Variants in GRM5 observed in about 807,000 individuals in gnomAD.
The protein encoded by GRM5 is metabotropic glutamate receptor 5.
A neutral mutation model predicts 83.1 loss-of-function variants in GRM5; 19 were observed. The ratio of observed to expected loss-of-function variants is 0.23; its 90% CI spans 0.16 to 0.34. GRM5 has a LOEUF of 0.34. GRM5 is among the 10% of genes least tolerant of loss of function. GRM5 has a pLI of 1.00. For synonymous variants in GRM5, 675 were observed against 633.6 expected, an observed-to-expected ratio of 1.07 and a Z score of -0.98; for missense variants, 1,160 against 1,588.3, an observed-to-expected ratio of 0.73 and a Z score of 4.58.
At chr11:88,693,285 TAC>T (rs1445145464) in intron 3 of GRM5, among the ~76,000 whole-genome samples, 1 of 152,166 alleles carries the variant, frequency 6.6e-6, no homozygotes, top group African/African-American at 2.4e-5. Flanking sequence ...TACAGAGTTG[TAC>T]AATTTTCCAC....
intron 3 of GRM5, among the ~76,000 whole-genome samples, chr11:88,845,702 G>T (rs1192479988): frequency 1.3e-5 from 2 of 149,100 alleles, no homozygotes; most frequent in Non-Finnish European, 3.0e-5. Flanking sequence ...CAAAGTGCTG[G>T]GATTACAGGC....
chr11:88,640,580 A>G (rs892646310), intron 4 of GRM5, among the ~76,000 whole-genome samples: 6 of 151,958 alleles, frequency 3.9e-5, no homozygotes, highest in African/African-American at 7.2e-5. Context: ...TCACAAGACT[A>G]CCCTCCCTCT....
At chr11:88,753,450 C>A (rs1942327260) in intron 3 of GRM5, among the ~76,000 whole-genome samples, 1 of 151,880 alleles carries the variant, frequency 6.6e-6, no homozygotes, top group Admixed American at 6.6e-5. Context: ...CAAAAAATAA[C>A]AGATGATGGC....
intron 2 of GRM5, among the ~76,000 whole-genome samples, chr11:88,872,230 T>C (rs1944781349): frequency 6.6e-6 from 1 of 151,424 alleles, no homozygotes; most frequent in South Asian, 2.1e-4. Context: ...AATATAAAAT[T>C]AATCACCAAG....
At chr11:88,625,565 G>A (rs1024939639) in intron 4 of GRM5, among the ~76,000 whole-genome samples, 1 of 151,910 alleles carries the variant, frequency 6.6e-6, no homozygotes, top group African/African-American at 2.4e-5. Flanking sequence ...TAGAATTGTG[G>A]GCGTGAATAG....
At chr11:88,695,539 T>G (rs1021688060) in intron 3 of GRM5, among the ~76,000 whole-genome samples, 3 of 152,164 alleles carry the variant, frequency 2.0e-5, no homozygotes, top group African/African-American at 7.2e-5. Flanking sequence ...CCCAAGTAAT[T>G]TTTATCTTTC....
At chr11:88,723,352 T>C (rs965788217) in intron 3 of GRM5, among the ~76,000 whole-genome samples, 1 of 152,104 alleles carries the variant, frequency 6.6e-6, no homozygotes, top group African/African-American at 2.4e-5. Context: ...TATGTGTAGG[T>C]TTTTGTGTGG....
intron 4 of GRM5, among the ~76,000 whole-genome samples, chr11:88,651,379 A>G (rs1400814175): frequency 1.3e-5 from 2 of 152,026 alleles, no homozygotes; most frequent in Non-Finnish European, 2.9e-5. Flanking sequence ...TTCCTCATAA[A>G]GAGGAACTAA....
At position 88,550,167 on chromosome 11, in the gene GRM5, T is replaced by C. The variant is rs1942473809; in HGVS notation, c.2630+16886A>G. ...AAGGTCTGGAGAAGTGATGATAAAA[T>C]CATCACTTAATTTCTTGGTCAAAAT... On this transcript the variant is annotated intron_variant, in intron 8 of 9. Coordinates refer to ENST00000305447, the MANE Select transcript of GRM5 (RefSeq NM_001143831.3). Among the ~76,000 whole-genome samples the C allele has an allele frequency of 2.0e-5, 3 of 152,100 alleles. No homozygotes were observed. The South Asian group carries it at 6.2e-4, about 32-fold the overall frequency.
intron 2 of GRM5, among the ~76,000 whole-genome samples, chr11:89,015,734 C>A (rs927999122): frequency 5.9e-5 from 9 of 152,152 alleles, no homozygotes; most frequent in African/African-American, 2.2e-4. Flanking sequence ...AGAAAAGCTT[C>A]CCAAATGGAT....
chr11:88,582,631 C>T (rs1382322528), intron 7 of GRM5, among the ~76,000 whole-genome samples: 1 of 152,138 alleles, frequency 6.6e-6, no homozygotes, highest in Non-Finnish European at 1.5e-5. Context: ...ACTTATTTCT[C>T]ATCAAAACTC....
chr11:88,612,473 G>A (rs1938350205), intron 4 of GRM5, among the ~76,000 whole-genome samples: 2 of 152,074 alleles, frequency 1.3e-5, no homozygotes, highest in Non-Finnish European at 1.5e-5. Context: ...AGCCCTTTGG[G>A]TATATACCCA....
At position 88,976,630 on chromosome 11, in the gene GRM5, G is replaced by A. The variant is rs1939346168; in HGVS notation, c.661+70582C>T. Among the ~76,000 whole-genome samples the A allele has an allele frequency of 2.0e-5, 3 of 152,064 alleles. 1 individual carries two copies. In the South Asian group the frequency reaches 6.2e-4, roughly 31 times the overall value. On this transcript the variant is annotated intron_variant, in intron 2 of 9. Coordinates refer to ENST00000305447, the MANE Select transcript of GRM5 (RefSeq NM_001143831.3). ...TTGAGGAGGAGGTTGATGATGCTGA[G>A]TTTTTCAACACTGTATTCTTTAGGA...
intron 2 of GRM5, among the ~76,000 whole-genome samples, chr11:88,881,930 TA>T (rs1319606109): frequency 6.6e-6 from 1 of 152,230 alleles, no homozygotes; most frequent in Non-Finnish European, 1.5e-5. Flanking sequence ...TTTCATTTTC[TA>T]TACAAAATAC....
At chr11:88,674,658 G>C (rs1321859034) in intron 3 of GRM5, among the ~76,000 whole-genome samples, 1 of 151,832 alleles carries the variant, frequency 6.6e-6, no homozygotes. Flanking sequence ...CCAGGAATCT[G>C]CTCCTTCCAG....
chr11:88,829,322 G>T (rs973649235), intron 3 of GRM5, among the ~76,000 whole-genome samples: 3 of 152,002 alleles, frequency 2.0e-5, no homozygotes, highest in African/African-American at 7.3e-5. Flanking sequence ...TTGGTGGGTC[G>T]CGGAAGCACA....
chr11:88,696,492 A>C (rs993083413), intron 3 of GRM5, among the ~76,000 whole-genome samples: 1 of 152,198 alleles, frequency 6.6e-6, no homozygotes, highest in African/African-American at 2.4e-5. Context: ...TCTGTGGTTA[A>C]GAATGACATG....
intron 2 of GRM5, among the ~76,000 whole-genome samples, chr11:89,020,005 A>G (rs1940944480): frequency 6.6e-6 from 1 of 152,202 alleles, no homozygotes; most frequent in Non-Finnish European, 1.5e-5. Flanking sequence ...TCAACAGTGC[A>G]AAATCTGGGC....
At chr11:88,987,432 G>A (rs1178128275) in intron 2 of GRM5, among the ~76,000 whole-genome samples, 11 of 151,898 alleles carry the variant, frequency 7.2e-5, no homozygotes, top group Admixed American at 3.9e-4. Flanking sequence ...GAGGTTGGGG[G>A]AGGGGCGCCC....
Sources: gnomAD v4.1 joint callset for allele counts (sites outside exome capture counted in the v4.1 genomes callset) on GRCh38, gnomAD v4.1.1 for gene constraint, MANE v1.5 for transcripts, NCBI Gene and HGNC (gene_info 2026-07-23, HGNC 2026-07-21) for gene names.